The following ZNF836 variants were observed in gnomAD, a reference collection of about 807,000 sequenced individuals.
The protein encoded by ZNF836 is zinc finger protein 836.
Under a neutral mutation model 7.4 loss-of-function variants are expected in ZNF836, and 12 were observed. That is an observed-to-expected ratio of 1.61 (90% confidence interval 1.03 to 2.61). ZNF836 has a LOEUF of 2.61. Ranked by LOEUF, ZNF836 falls within the 30% of genes most tolerant of loss-of-function variation. The pLI, the probability that ZNF836 is intolerant of heterozygous loss-of-function variation, is 0.00. For missense variants in ZNF836, 998 were observed against 1,126.2 expected, an observed-to-expected ratio of 0.89 and a Z score of 1.63; for synonymous variants, 365 against 382.6, an observed-to-expected ratio of 0.95 and a Z score of 0.54.
chr19:52,160,267 G>A (rs758230187), intron 4 of ZNF836, 198 bp downstream of exon 4: 18 of 635,086 alleles, frequency 2.8e-5, no homozygotes, highest in Non-Finnish European at 4.1e-5. Flanking sequence ...AGGACAACAA[G>A]GGAAGACATT....
chr19:52,157,282 T>C lies in ZNF836; in HGVS notation c.401A>G (p.Asn134Ser), dbSNP rs2089173486. 1 of 1,605,934 alleles carries C rather than the reference T, an allele frequency of 6.2e-7. No individual in the cohort carries two copies. The highest frequency in any genetic ancestry group is 2.2e-5 in the East Asian group (1 of 44,734). ...RGQHSQEDVE[N>S]KCIENQLTLS... Reference sequence around the variant, plus strand: ...TGTAAGCTGATTTTCAATACATTTGTTTTCTACATCCTCTTGACTATGTTG... The same window carrying C: ...TGTAAGCTGATTTTCAATACATTTGCTTTCTACATCCTCTTGACTATGTTG... Residue 134 changes from asparagine (N) to serine (S), a missense_variant, in exon 5 of 5, where the codon AAC (asparagine) becomes AGC (serine). Coordinates refer to ENST00000682614, the MANE Select transcript of ZNF836 (RefSeq NM_001102657.3).
chr19:52,164,393 CAA>C lies in ZNF836; in HGVS notation c.15+3663_15+3664del, dbSNP rs34929285. Among the ~76,000 whole-genome samples the C allele has an allele frequency of 1.3e-3, 161 of 120,884 alleles. 2 individuals carry two copies. Among genetic ancestry groups the C allele is most frequent in the African/African-American group, 4.1e-3 (142 of 34,302 alleles). The allele number at this position is 120,884 out of a possible 152,430, so 79.3% of individuals were successfully genotyped here. On this transcript the variant is annotated intron_variant, in intron 3 of 4. Coordinates refer to ENST00000682614, the MANE Select transcript of ZNF836 (RefSeq NM_001102657.3). ...GGGCAACAGGAGTGAAACTCTGTCT[CAA>C]AAAAAAAAAAGAGAAAGAAAGAGAA...
At chr19:52,164,522 T>C (rs899183379) in intron 3 of ZNF836, among the ~76,000 whole-genome samples, 1 of 146,978 alleles carries the variant, frequency 6.8e-6, no homozygotes, top group Non-Finnish European at 1.5e-5. Context: ...AGACTAGAGC[T>C]AAAAATAAAA....
At chr19:52,158,678 G>T (rs575595910) in intron 4 of ZNF836, among the ~76,000 whole-genome samples, 1 of 152,280 alleles carries the variant, frequency 6.6e-6, no homozygotes, top group South Asian at 2.1e-4. Context: ...AGGAGGCAGA[G>T]GTTGTAGTGA....
chr19:52,160,738 A>C, intron 3 of ZNF836, 147 bp from the exon 4 acceptor site: 1 of 961,666 alleles, frequency 1.0e-6, no homozygotes, highest in Non-Finnish European at 1.5e-6. Context: ...ATGTGTCCCT[A>C]ATTTAAGTTT....
At chr19:52,171,016 G>T (rs5021454) in intron 1 of ZNF836, 5,636 of 152,454 alleles carry the variant, frequency 0.037, 114 homozygotes, top group African/African-American at 0.044. Flanking sequence ...AAGGTGGCAG[G>T]GGGTACGGTG....
chr19:52,160,381 G>C (rs2089202423), intron 4 of ZNF836, 84 bp downstream of exon 4: 1 of 1,571,092 alleles, frequency 6.4e-7, no homozygotes, highest in Non-Finnish European at 8.7e-7. Flanking sequence ...GTCAAATAAT[G>C]GAAGGGCTCC....
chr19:52,164,067 C>A lies in ZNF836; in HGVS notation c.16-3476G>T, dbSNP rs555038764. Among the ~76,000 whole-genome samples, 123 of 141,356 alleles carry A rather than the reference C, an allele frequency of 8.7e-4. 1 individual carries two copies. Among genetic ancestry groups the A allele is most frequent in the East Asian group, 8.4e-3 (38 of 4,514 alleles). 92.7% of individuals were successfully genotyped at this position (141,356 alleles called of 152,430 possible). A position where few individuals can be genotyped will look rare whatever the true frequency, so the allele number is the denominator to read the frequency against. Reference sequence around the variant, plus strand: ...AGGAAGGGAGGGAGGGAGGGAAGAACAAGAAAGAAGGAAAGAAAAAGTGAG... The same window carrying A: ...AGGAAGGGAGGGAGGGAGGGAAGAAAAAGAAAGAAGGAAAGAAAAAGTGAG... On this transcript the variant is annotated intron_variant, in intron 3 of 4. Transcript: ENST00000682614.
At position 52,161,663 on chromosome 19, in the gene ZNF836, A is replaced by C. The variant is rs985099896; in HGVS notation, c.16-1072T>G. Among the ~76,000 whole-genome samples the C allele has an allele frequency of 1.1e-4, 16 of 152,104 alleles. No individual in the cohort carries two copies. The highest frequency in any genetic ancestry group is 3.4e-4 in the African/African-American group (14 of 41,422). On this transcript the variant is annotated intron_variant, in intron 3 of 4. Transcript: ENST00000682614. This position sits in a 1 kb window ranked among gnomAD's most constrained non-coding sequence, Gnocchi z 4.1. ...TGAATTGTGGAGGAGAAAAAAAAAA[A>C]AAACTCAGACTGTAACATTCCACCC... is the stretch of plus-strand genomic sequence containing the variant.
At chr19:52,166,825 C>T (rs1029303739) in intron 3 of ZNF836, among the ~76,000 whole-genome samples, 3 of 151,216 alleles carry the variant, frequency 2.0e-5, no homozygotes, top group East Asian at 4.0e-4. Context: ...GTGATCCGCC[C>T]GCCTCGGCCT....
intron 4 of ZNF836, among the ~76,000 whole-genome samples, chr19:52,159,110 T>C (rs1442707047): frequency 1.3e-5 from 2 of 152,110 alleles, no homozygotes; most frequent in African/African-American, 2.4e-5. Context: ...ATCACCCAGA[T>C]CTGTGAAAAG....
In ZNF836 at chr19:52,156,967, A is replaced by T. The variant is rs765841897; in HGVS notation, c.716T>A (p.Val239Glu). 3.7e-6 allele frequency: 6 copies of T among 1,614,080 alleles called. No individual in the cohort carries two copies. In the African/African-American group the frequency reaches 8.0e-5, roughly 22 times the overall value. ...VSSSLINHQM[V>E]HTTEKPYKCN... ...TTTGTAAGGTTTCTCTGTAGTATGT[A>T]CCATCTGATGGTTAATAAGACTTGA... is the stretch of plus-strand genomic sequence containing the variant. The change falls in exon 5 of 5, where the codon GTA becomes GAA. Residue 239 changes from valine to glutamate, a missense_variant. By Grantham distance (121) the Val-to-Glu change is moderately radical (BLOSUM62 -2). Coordinates refer to ENST00000682614, the MANE Select transcript of ZNF836 (RefSeq NM_001102657.3).
intron 3 of ZNF836, among the ~76,000 whole-genome samples, chr19:52,166,527 T>C (rs1310456610): frequency 6.6e-6 from 1 of 151,662 alleles, no homozygotes; most frequent in Non-Finnish European, 1.5e-5. Flanking sequence ...ATGAATTTCA[T>C]ATATAATAAA....
chr19:52,167,970 C>T, intron 3 of ZNF836, 88 bp downstream of exon 3: 1 of 989,200 alleles, frequency 1.0e-6, no homozygotes, highest in Non-Finnish European at 1.6e-6. Flanking sequence ...AGGCAGGATG[C>T]TTCAGACTCA....
chr19:52,159,284 A>T (rs2089193028), intron 4 of ZNF836, among the ~76,000 whole-genome samples: 1 of 152,236 alleles, frequency 6.6e-6, no homozygotes, highest in Admixed American at 6.5e-5. Context: ...CAATATTCTA[A>T]GCTAGCAAAC....
intron 3 of ZNF836, among the ~76,000 whole-genome samples, chr19:52,163,320 T>A (rs942331727): frequency 1.3e-5 from 2 of 152,192 alleles, no homozygotes. Context: ...AGGCTGAGAA[T>A]TTTCCAAATC....
chr19:52,160,352 C>T, intron 4 of ZNF836, 113 bp downstream of exon 4: 9 of 1,349,898 alleles, frequency 6.7e-6, no homozygotes, highest in Non-Finnish European at 9.4e-6. Flanking sequence ...ATTTGTGAGT[C>T]AACAAGGCTT....
At chr19:52,168,191 A>G (rs919786095) in intron 2 of ZNF836, 39 bp from the exon 3 acceptor site, 8 of 1,368,394 alleles carry the variant, frequency 5.8e-6, no homozygotes, top group South Asian at 2.7e-5. Flanking sequence ...CTTGGAAACA[A>G]CACATTCCTT....
chr19:52,158,772 T>C (rs1192352228), intron 4 of ZNF836, among the ~76,000 whole-genome samples: 1 of 151,868 alleles, frequency 6.6e-6, no homozygotes, highest in Non-Finnish European at 1.5e-5. Flanking sequence ...CAAAAAACTA[T>C]CTATTTCCAT....
Sources: gnomAD v4.1 joint callset for allele counts (sites outside exome capture counted in the v4.1 genomes callset) on GRCh38, gnomAD v4.1.1 for gene constraint, Gnocchi (gnomAD v3.1) non-coding constraint, MANE v1.5 for transcripts, NCBI Gene and HGNC (gene_info 2026-07-23, HGNC 2026-07-21) for gene names.